Variants in EVI5 observed in about 807,000 individuals in gnomAD.
EVI5 encodes ecotropic viral integration site 5, also known as ecotropic viral integration site 5 protein homolog.
Under a neutral mutation model 112.0 loss-of-function variants are expected in EVI5, and 73 were observed. That is an observed-to-expected ratio of 0.65 (90% CI 0.54 to 0.79). The LOEUF is 0.79. Ranked by LOEUF, EVI5 falls within the 30% of genes least tolerant of loss-of-function variation. The pLI is 0.00. For missense variants in EVI5, 900 were observed against 968.8 expected (o/e 0.93, Z 0.94); for synonymous variants, 305 against 319.9 (o/e 0.95, Z 0.50).
chr1:92,536,917 G>A (rs190615564), intron 19 of EVI5, among the ~76,000 whole-genome samples: 2 of 152,122 alleles, frequency 1.3e-5, no homozygotes, highest in Admixed American at 6.5e-5. Context: ...TAACATTGGG[G>A]TAATGGAATT....
At chr1:92,709,606 T>C (rs1672528718) in intron 2 of EVI5, among the ~76,000 whole-genome samples, 1 of 152,204 alleles carries the variant, frequency 6.6e-6, no homozygotes, top group Admixed American at 6.5e-5. Flanking sequence ...AGAAAAACTT[T>C]AGAATTTTTA....
At chr1:92,704,779 C>T (rs200926443) in intron 2 of EVI5, 35 bp from the exon 3 acceptor site, 25 of 1,066,702 alleles carry the variant, frequency 2.3e-5, no homozygotes, top group Non-Finnish European at 2.9e-5. Context: ...AAGATCTAAT[C>T]GGACAGTGAT....
intron 18 of EVI5, among the ~76,000 whole-genome samples, chr1:92,595,649 A>T (rs1458545326): frequency 2.0e-5 from 3 of 152,182 alleles, no homozygotes; most frequent in Non-Finnish European, 4.4e-5. Context: ...GAGATGACAG[A>T]TTTGAAGGAT....
intron 9 of EVI5, among the ~76,000 whole-genome samples, chr1:92,684,260 A>C (rs561694806): frequency 6.6e-6 from 1 of 152,364 alleles, no homozygotes; most frequent in South Asian, 2.1e-4. Context: ...ACATTCTTAA[A>C]GAAAAGAATT....
At chr1:92,684,530 G>A (rs6604004) in intron 9 of EVI5, among the ~76,000 whole-genome samples, 140,241 of 152,226 alleles carry the variant, frequency 0.92, 64,687 homozygotes, top group East Asian at 0.97. Context: ...TCACAATGAC[G>A]GGGTCAAATT....
At chr1:92,784,612 G>A (rs1165889935) in intron 1 of EVI5, 6 of 301,100 alleles carry the variant, frequency 2.0e-5, no homozygotes, top group Non-Finnish European at 2.9e-5. Context: ...CTTCCCCAGC[G>A]CCCACGAGAA....
intron 18 of EVI5, among the ~76,000 whole-genome samples, chr1:92,576,863 G>A (rs919095728): frequency 2.0e-5 from 3 of 152,122 alleles, no homozygotes; most frequent in African/African-American, 7.2e-5. Flanking sequence ...GTCATCTTTG[G>A]TAGTTCAATG....
intron 1 of EVI5, chr1:92,756,613 C>T (rs1350241682): frequency 9.9e-6 from 5 of 503,676 alleles, no homozygotes; most frequent in Non-Finnish European, 1.6e-5. Flanking sequence ...AATGGCACAA[C>T]TAAGTGTGTT....
chr1:92,776,141 A>G (rs981850459), intron 1 of EVI5, among the ~76,000 whole-genome samples: 3 of 152,030 alleles, frequency 2.0e-5, no homozygotes, highest in Non-Finnish European at 4.4e-5. Context: ...TTGAAGAGCA[A>G]TATGTAGAGC....
rs1456941283 is a variant in EVI5, at chr1:92,586,421, T to A, written c.2070+18886A>T. Among the ~76,000 whole-genome samples the A allele has an allele frequency of 2.0e-5, 3 of 152,298 alleles. No homozygotes were observed. The East Asian group carries it at 5.8e-4, about 29-fold the overall frequency. ...ATCAATATAGGCTCATGGATATTTA[T>A]TTTATACTTTGGGTTATAATCTACT... On this transcript the variant is annotated intron_variant, in intron 18 of 19. Transcript: ENST00000684568.
intron 1 of EVI5, among the ~76,000 whole-genome samples, chr1:92,770,566 T>G (rs530560257): frequency 1.1e-4 from 17 of 152,140 alleles, no homozygotes; most frequent in South Asian, 6.2e-4. Context: ...CAAGGCGGGC[T>G]GATCACGAGG....
intron 6 of EVI5, 150 bp downstream of exon 6, chr1:92,697,710 T>C: frequency 1.5e-6 from 1 of 662,772 alleles, no homozygotes; most frequent in South Asian, 2.0e-5. Context: ...AAATTGTACA[T>C]TAACCAACCA....
rs1371460846 is a variant in EVI5 at position 92,735,716 on chromosome 1, AT to A, written c.149+681del. Among the ~76,000 whole-genome samples the A allele has an allele frequency of 2.2e-4, 31 of 141,712 alleles. No homozygotes were observed. The South Asian group carries it at 3.6e-3, about 17-fold the overall frequency. 93.0% of individuals were successfully genotyped at this position (141,712 alleles called of 152,430 possible). A position where few individuals can be genotyped will look rare whatever the true frequency, so the allele number is the denominator to read the frequency against. On this transcript the variant is annotated intron_variant, in intron 2 of 19. Coordinates refer to ENST00000684568, the MANE Select transcript of EVI5 (RefSeq NM_001350197.2). ...ATATGATTGAAATATACAATATTAT[AT>A]TATATATAATATAATATAATATAAT... is the stretch of plus-strand genomic sequence containing the variant.
chr1:92,669,353 G>T (rs1034209470), intron 10 of EVI5, among the ~76,000 whole-genome samples: 24 of 151,842 alleles, frequency 1.6e-4, no homozygotes, highest in African/African-American at 5.8e-4. Flanking sequence ...TTCGAGACCA[G>T]CCAGGCCAAC....
At chr1:92,714,486 C>G (rs958304774) in intron 2 of EVI5, among the ~76,000 whole-genome samples, 1 of 152,112 alleles carries the variant, frequency 6.6e-6, no homozygotes, top group Non-Finnish European at 1.5e-5. Context: ...AGAGAGAATT[C>G]AAATTATTAT....
At chr1:92,742,554 T>C (rs967932934) in intron 1 of EVI5, among the ~76,000 whole-genome samples, 1 of 151,720 alleles carries the variant, frequency 6.6e-6, no homozygotes. Context: ...GTCCCTGTAA[T>C]CTCAGCTACT....
intron 13 of EVI5, among the ~76,000 whole-genome samples, chr1:92,659,258 A>T (rs1663561333): frequency 6.6e-6 from 1 of 152,162 alleles, no homozygotes; most frequent in South Asian, 2.1e-4. Context: ...AATAGGACTT[A>T]ATTAAACTAT....
At chr1:92,788,227 T>C (rs1280582784), upstream of EVI5, among the ~76,000 whole-genome samples, 1 of 152,126 alleles carries the variant, frequency 6.6e-6, no homozygotes, top group Non-Finnish European at 1.5e-5. Context: ...CCTAGCACTT[T>C]GGGAGGCCAA....
At chr1:92,614,740 C>T (rs918507510) in intron 16 of EVI5, among the ~76,000 whole-genome samples, 1 of 149,166 alleles carries the variant, frequency 6.7e-6, no homozygotes, top group Non-Finnish European at 1.5e-5. Flanking sequence ...TGGGATCTTG[C>T]GATCGTGTAA....
Sources: gnomAD v4.1 joint callset for allele counts (sites outside exome capture counted in the v4.1 genomes callset) on GRCh38, gnomAD v4.1.1 for gene constraint, MANE v1.5 for transcripts, NCBI Gene and HGNC (gene_info 2026-07-23, HGNC 2026-07-21) for gene names.